Variants in NCKAP5 observed in about 807,000 individuals in gnomAD.
NCKAP5 encodes nck-associated protein 5.
Under a neutral mutation model 167.0 loss-of-function variants are expected in NCKAP5, and 92 were observed. The observed-to-expected ratio is 0.55, with a 90% CI of 0.47 to 0.66. NCKAP5 has a LOEUF of 0.66. Among genes scored for constraint, NCKAP5 ranks in the 30% least tolerant of loss-of-function variants. NCKAP5 has a pLI of 0.00. For synonymous variants in NCKAP5, 891 were observed against 877.4 expected, an observed-to-expected ratio of 1.02 and a Z score of -0.27; for missense variants, 2,378 against 2,315.0, an observed-to-expected ratio of 1.03 and a Z score of -0.56.
At chr2:133,525,074 C>T (rs1684762189) in intron 2 of NCKAP5, among the ~76,000 whole-genome samples, 2 of 152,094 alleles carry the variant, frequency 1.3e-5, no homozygotes, top group African/African-American at 4.8e-5. Flanking sequence ...TAAAAACATG[C>T]CAAATGATGT....
intron 1 of NCKAP5, among the ~76,000 whole-genome samples, chr2:133,563,819 G>A (rs901063722): frequency 2.6e-5 from 4 of 151,974 alleles, no homozygotes; most frequent in African/African-American, 4.8e-5. Context: ...TCCAGAAAGC[G>A]GTAAAATGAA....
At chr2:133,568,862 T>G (rs774156592), upstream of NCKAP5, among the ~76,000 whole-genome samples, 2 of 152,182 alleles carry the variant, frequency 1.3e-5, no homozygotes, top group Non-Finnish European at 2.9e-5. Context: ...ATTGCTTAAT[T>G]ACTTTTACTG....
chr2:132,707,536 A>T (rs1688478624), intron 19 of NCKAP5, among the ~76,000 whole-genome samples: 1 of 152,134 alleles, frequency 6.6e-6, no homozygotes, highest in African/African-American at 2.4e-5. Context: ...GGGGTGGCCA[A>T]TGGAGTGCGT....
At chr2:133,100,496 G>A (rs767665752) in intron 6 of NCKAP5, among the ~76,000 whole-genome samples, 18 of 152,172 alleles carry the variant, frequency 1.2e-4, no homozygotes, top group South Asian at 4.2e-4. Flanking sequence ...ACTGAGCCCC[G>A]GACTCCAGAG....
At chr2:132,673,342 C>A in intron 19 of NCKAP5, 37 bp from the exon 20 acceptor site, 2 of 1,383,848 alleles carry the variant, frequency 1.4e-6, no homozygotes, top group South Asian at 1.4e-5. Flanking sequence ...AAACATATTT[C>A]TTTGGAAAAT....
At chr2:132,733,009 G>C (rs1195861111) in intron 16 of NCKAP5, among the ~76,000 whole-genome samples, 1 of 152,214 alleles carries the variant, frequency 6.6e-6, no homozygotes, top group Non-Finnish European at 1.5e-5. Context: ...TTTCTTGGCA[G>C]TCCCAGGGAT....
chr2:133,468,957 T>C (rs1245380166), intron 3 of NCKAP5, among the ~76,000 whole-genome samples: 1 of 152,210 alleles, frequency 6.6e-6, no homozygotes. Context: ...GTCTTGACTC[T>C]TGATCCAATT....
intron 2 of NCKAP5, among the ~76,000 whole-genome samples, chr2:133,542,194 G>T (rs1686281958): frequency 6.6e-6 from 1 of 152,162 alleles, no homozygotes; most frequent in African/African-American, 2.4e-5. Context: ...TCACGAACAT[G>T]ACGAATGTCT....
chr2:133,597,079 T>C, the NCKAP5 span, among the ~76,000 whole-genome samples: 1 of 152,204 alleles, frequency 6.6e-6, no homozygotes, highest in Non-Finnish European at 1.5e-5. Flanking sequence ...CCTAATCAAA[T>C]TGCCAGTGGC....
At chr2:133,327,906 G>A (rs1682560950) in intron 3 of NCKAP5, among the ~76,000 whole-genome samples, 1 of 152,092 alleles carries the variant, frequency 6.6e-6, no homozygotes, top group Non-Finnish European at 1.5e-5. Flanking sequence ...GGCTGGTACT[G>A]GCTGTTAGTG....
At chr2:133,626,864 A>G in the NCKAP5 span, among the ~76,000 whole-genome samples, 2 of 151,972 alleles carry the variant, frequency 1.3e-5, no homozygotes. Context: ...AAAGTGTTTG[A>G]ATACATATAT....
chr2:133,011,733 A>C (rs527550432), intron 6 of NCKAP5, among the ~76,000 whole-genome samples: 1 of 152,262 alleles, frequency 6.6e-6, no homozygotes, highest in East Asian at 1.9e-4. Context: ...ATCCACATCA[A>C]CTGGCAGTGT....
chr2:133,333,616 T>C (rs1408398636), intron 3 of NCKAP5, among the ~76,000 whole-genome samples: 1 of 152,132 alleles, frequency 6.6e-6, no homozygotes, highest in East Asian at 1.9e-4. Context: ...TTGAGAGTGG[T>C]GACAATCTAG....
chr2:133,285,694 C>T (rs60574357), intron 4 of NCKAP5, among the ~76,000 whole-genome samples: 4,976 of 152,234 alleles, frequency 0.033, 229 homozygotes, highest in African/African-American at 0.1. Flanking sequence ...AGAATCTTAA[C>T]GTATACCACG....
chr2:133,440,250 G>A (rs542708504), intron 3 of NCKAP5, among the ~76,000 whole-genome samples: 2 of 152,288 alleles, frequency 1.3e-5, no homozygotes, highest in African/African-American at 4.8e-5. Flanking sequence ...TCTGACCCTT[G>A]ACATCTGTGG....
the NCKAP5 span, among the ~76,000 whole-genome samples, chr2:133,673,678 C>T: frequency 1.3e-5 from 2 of 152,156 alleles, no homozygotes; most frequent in African/African-American, 2.4e-5. Flanking sequence ...CCCTTCTGGG[C>T]CTACCACCGT....
chr2:132,675,427 G>C (rs1238333060), intron 19 of NCKAP5, among the ~76,000 whole-genome samples: 1 of 152,218 alleles, frequency 6.6e-6, no homozygotes, highest in Non-Finnish European at 1.5e-5. Flanking sequence ...TGTAAGGCTG[G>C]ATTCTTATTC....
At chr2:133,558,725 A>AAAAAAAAAAC (rs1687941633) in intron 2 of NCKAP5, among the ~76,000 whole-genome samples, 2 of 147,438 alleles carry the variant, frequency 1.4e-5, no homozygotes, top group African/African-American at 2.5e-5. Flanking sequence ...AAAAAAAAAA[A>AAAAAAAAAAC]AGCCCATATG....
At chr2:133,490,749 C>A (rs779331429) in intron 3 of NCKAP5, among the ~76,000 whole-genome samples, 1 of 152,168 alleles carries the variant, frequency 6.6e-6, no homozygotes, top group African/African-American at 2.4e-5. Context: ...CTGGACAGAA[C>A]GAGGCAGACC....
Sources: gnomAD v4.1 joint callset for allele counts (sites outside exome capture counted in the v4.1 genomes callset) on GRCh38, gnomAD v4.1.1 for gene constraint, MANE v1.5 for transcripts, NCBI Gene and HGNC (gene_info 2026-07-23, HGNC 2026-07-21) for gene names.